Variants in ATXN1 observed in about 807,000 individuals in gnomAD.
ATXN1 encodes the protein ataxin-1.
ATXN1 carries 8 observed loss-of-function variants against 56.4 expected under a neutral mutation model. The ratio of observed to expected loss-of-function variants is 0.14; its 90% CI spans 0.08 to 0.26. The LOEUF (loss-of-function observed/expected upper bound fraction) is 0.26, where lower values mean the gene tolerates loss of function less well. ATXN1 is among the 10% of genes least tolerant of loss of function. The pLI is 1.00. For missense variants in ATXN1, 987 were observed against 1,106.5 expected, an observed-to-expected ratio of 0.89 and a Z score of 1.53; for synonymous variants, 514 against 494.6, an observed-to-expected ratio of 1.04 and a Z score of -0.52.
At chr6:16,630,702 C>T (rs1763489077) in intron 3 of ATXN1, among the ~76,000 whole-genome samples, 1 of 152,130 alleles carries the variant, frequency 6.6e-6, no homozygotes, top group South Asian at 2.1e-4. Flanking sequence ...AAAACTCATG[C>T]AATCATAAAC....
At chr6:16,494,096 CAGGGCTGGACTGAGAGGCATCTCCAG>C (rs1760725448) in intron 5 of ATXN1, among the ~76,000 whole-genome samples, 1 of 11,234 alleles carries the variant, frequency 8.9e-5, no homozygotes, top group Non-Finnish European at 1.4e-4. Flanking sequence ...ATCTCCAGTG[CAGGGCTGGACTGAGAGGCATCTCCAG>C]TGCAGGGCTG....
intron 2 of ATXN1, among the ~76,000 whole-genome samples, chr6:16,679,608 T>C (rs1202691289): frequency 4.6e-5 from 7 of 152,220 alleles, no homozygotes; most frequent in Non-Finnish European, 7.3e-5. Flanking sequence ...ATTTTATGTA[T>C]ACTGCACAAT....
chr6:16,577,774 TCACTC>T (rs72469012), intron 4 of ATXN1, among the ~76,000 whole-genome samples: 10,000 of 152,174 alleles, frequency 0.066, 1,011 homozygotes, highest in African/African-American at 0.22. Flanking sequence ...CTCTGAGAGC[TCACTC>T]CATGCCATAA....
chr6:16,549,477 G>A (rs905263038), intron 4 of ATXN1, among the ~76,000 whole-genome samples: 5 of 152,114 alleles, frequency 3.3e-5, no homozygotes, highest in Admixed American at 2.0e-4. Flanking sequence ...GTCGTTATGC[G>A]GCACATGGCT....
At chr6:16,471,704 T>TGA (rs1760221919) in intron 6 of ATXN1, among the ~76,000 whole-genome samples, 1 of 151,904 alleles carries the variant, frequency 6.6e-6, no homozygotes, top group Admixed American at 6.6e-5. Flanking sequence ...TGTGTGTGTG[T>TGA]GTGTGTGAGA....
intron 7 of ATXN1, among the ~76,000 whole-genome samples, chr6:16,316,863 G>GTTTTTTTTTTTTTTT (rs1561847571): frequency 1.2e-5 from 1 of 84,240 alleles, no homozygotes; most frequent in Non-Finnish European, 2.0e-5. Flanking sequence ...GAGACTGCCT[G>GTTTTTTTTTTTTTTT]TCTTTTTTTT....
intron 2 of ATXN1, among the ~76,000 whole-genome samples, chr6:16,725,729 C>T (rs1759834534): frequency 6.6e-6 from 1 of 152,180 alleles, no homozygotes; most frequent in Non-Finnish European, 1.5e-5. Flanking sequence ...GAGAATCATC[C>T]TTTCACAAGC....
chr6:16,311,059 C>T (rs1760378242), intron 7 of ATXN1, among the ~76,000 whole-genome samples: 1 of 152,122 alleles, frequency 6.6e-6, no homozygotes, highest in African/African-American at 2.4e-5. Flanking sequence ...GTGTGTATTA[C>T]TGGGGGAAAG....
intron 6 of ATXN1, among the ~76,000 whole-genome samples, chr6:16,386,583 T>C (rs540046692): frequency 3.9e-5 from 6 of 152,092 alleles, no homozygotes; most frequent in African/African-American, 1.4e-4. Context: ...GGAGAGCAAA[T>C]GTGGGAGCTC....
At chr6:16,556,272 G>A (rs1342245086) in intron 4 of ATXN1, among the ~76,000 whole-genome samples, 1 of 152,136 alleles carries the variant, frequency 6.6e-6, no homozygotes. Flanking sequence ...CTGGGGGGAC[G>A]CTGAGGAAAA....
intron 5 of ATXN1, among the ~76,000 whole-genome samples, chr6:16,517,431 T>C (rs927081353): frequency 6.6e-6 from 1 of 152,204 alleles, no homozygotes; most frequent in Non-Finnish European, 1.5e-5. Context: ...TTGTGAGAAT[T>C]ACACAAGTTA....
chr6:16,678,941 C>A (rs1758742122), intron 2 of ATXN1, among the ~76,000 whole-genome samples: 1 of 151,598 alleles, frequency 6.6e-6, no homozygotes, highest in Admixed American at 6.6e-5. Context: ...GAGGCTGAGG[C>A]AGTAGAATCG....
At chr6:16,689,898 GT>G in intron 2 of ATXN1, among the ~76,000 whole-genome samples, 1 of 152,134 alleles carries the variant, frequency 6.6e-6, no homozygotes, top group South Asian at 2.1e-4. Flanking sequence ...CGTCTGTACC[GT>G]TTGATCAACC....
chr6:16,561,935 A>C (rs1384512280), intron 4 of ATXN1, among the ~76,000 whole-genome samples: 2 of 152,232 alleles, frequency 1.3e-5, no homozygotes, highest in Admixed American at 6.5e-5. Flanking sequence ...GAAGATGTAA[A>C]CAAGGAAGAA....
chr6:16,516,745 AC>A (rs1282422995), intron 5 of ATXN1, among the ~76,000 whole-genome samples: 1 of 152,232 alleles, frequency 6.6e-6, no homozygotes, highest in Non-Finnish European at 1.5e-5. Flanking sequence ...ATCATGTCTA[AC>A]AATGCCTTGT....
chr6:16,674,050 T>A (rs1561803061), intron 2 of ATXN1, among the ~76,000 whole-genome samples: 3 of 152,118 alleles, frequency 2.0e-5, no homozygotes, highest in African/African-American at 7.2e-5. Flanking sequence ...TCTAACGTGT[T>A]TTATATATAT....
intron 3 of ATXN1, among the ~76,000 whole-genome samples, chr6:16,633,567 G>C (rs1214282562): frequency 6.6e-6 from 1 of 152,136 alleles, no homozygotes; most frequent in Non-Finnish European, 1.5e-5. Flanking sequence ...AAAGGGAGCT[G>C]AGTACTTGCC....
chr6:16,338,966 G>A (rs1310590836), intron 6 of ATXN1, among the ~76,000 whole-genome samples: 1 of 152,144 alleles, frequency 6.6e-6, no homozygotes, highest in Non-Finnish European at 1.5e-5. Flanking sequence ...AAGCTCAGAC[G>A]CTAAACTCAA....
chr6:16,575,101 A>G (rs1019323750), intron 4 of ATXN1, among the ~76,000 whole-genome samples: 2 of 152,162 alleles, frequency 1.3e-5, no homozygotes, highest in African/African-American at 2.4e-5. Context: ...CACTGGTGAC[A>G]TTAACCTTGA....
Sources: allele counts gnomAD v4.1 joint callset (sites outside exome capture counted in the v4.1 genomes callset), GRCh38; gene constraint gnomAD v4.1.1; transcripts MANE v1.5; gene names NCBI Gene and HGNC (gene_info 2026-07-23, HGNC 2026-07-21).